TENT2: variants seen among roughly 807,000 people sequenced by gnomAD.
The protein encoded by TENT2 is terminal nucleotidyltransferase 2.
TENT2 carries 44 observed loss-of-function variants against 72.2 expected under a neutral mutation model. That is an observed-to-expected ratio of 0.61 (90% CI 0.48 to 0.78). TENT2 has a LOEUF of 0.78. TENT2 is among the 30% of genes least tolerant of loss of function. The pLI, the probability that TENT2 is intolerant of heterozygous loss-of-function variation, is 0.00. For missense variants in TENT2, 541 were observed against 569.6 expected, an observed-to-expected ratio of 0.95 and a Z score of 0.51; for synonymous variants, 212 against 192.5, an observed-to-expected ratio of 1.10 and a Z score of -0.84.
At chr5:79,619,930 GAC>G in intron 2 of TENT2, 62 bp from the exon 3 acceptor site, 1 of 1,452,426 alleles carries the variant, frequency 6.9e-7, no homozygotes, top group Non-Finnish European at 9.3e-7. Flanking sequence ...TTTTTTCAGA[GAC>G]TGGTTTTGTT....
intron 3 of TENT2, among the ~76,000 whole-genome samples, chr5:79,620,410 A>T (rs554752024): frequency 6.6e-6 from 1 of 152,232 alleles, no homozygotes; most frequent in Non-Finnish European, 1.5e-5. Flanking sequence ...ACTAAATGAG[A>T]TGGCCTGTAT....
At chr5:79,630,555 C>T (rs1032109924) in intron 4 of TENT2, among the ~76,000 whole-genome samples, 6 of 151,938 alleles carry the variant, frequency 3.9e-5, no homozygotes, top group Admixed American at 1.3e-4. Flanking sequence ...CTAGCCTGGG[C>T]GACAGAGTGA....
chr5:79,651,226 A>G (rs762819017), intron 10 of TENT2, among the ~76,000 whole-genome samples: 1 of 152,012 alleles, frequency 6.6e-6, no homozygotes, highest in Non-Finnish European at 1.5e-5. Flanking sequence ...ATAAATGTCA[A>G]GTTCAGGTCT....
At chr5:79,677,862 C>T (rs967218814) in intron 12 of TENT2, among the ~76,000 whole-genome samples, 1 of 152,140 alleles carries the variant, frequency 6.6e-6, no homozygotes, top group African/African-American at 2.4e-5. Context: ...TGCAGTGGCA[C>T]GATCACAGCT....
chr5:79,632,328 G>GT (rs113322670), intron 4 of TENT2, among the ~76,000 whole-genome samples: 17 of 151,868 alleles, frequency 1.1e-4, no homozygotes, highest in East Asian at 3.9e-4. Flanking sequence ...TTTTTCATGA[G>GT]TTTTTTTTGT....
chr5:79,683,923 CAAAAAAAAAAAA>C (rs761567083), intron 14 of TENT2, among the ~76,000 whole-genome samples: 17 of 41,564 alleles, frequency 4.1e-4, no homozygotes, highest in South Asian at 9.9e-4. Context: ...GACTCCGTCT[CAAAAAAAAAAAA>C]AAAAAAAAAA....
chr5:79,657,587 G>T (rs1356542552), intron 11 of TENT2, among the ~76,000 whole-genome samples: 1 of 152,086 alleles, frequency 6.6e-6, no homozygotes, highest in East Asian at 1.9e-4. Context: ...TATGTACTTA[G>T]TTTGAGTTTA....
chr5:79,687,822 G>T lies in TENT2; in HGVS notation c.*2549G>T, dbSNP rs1826512994. ...AGGATCTTTGCAAATAAATCTCATA[G>T]ACATTAATGTTTGTAAGAAATTTTT... On this transcript the variant is annotated 3_prime_UTR_variant, in exon 15 of 15. Transcript: ENST00000453514. 6.6e-6 allele frequency among the ~76,000 whole-genome samples: 1 copy of T among 152,178 alleles called. No individual in the cohort carries two copies. The highest frequency in any genetic ancestry group is 2.1e-4 in the South Asian group (1 of 4,824).
chr5:79,653,383 C>T (rs1303375283), intron 10 of TENT2, among the ~76,000 whole-genome samples: 1 of 151,908 alleles, frequency 6.6e-6, no homozygotes, highest in Non-Finnish European at 1.5e-5. Flanking sequence ...GTCCTAGCTA[C>T]TCAGGAGGCT....
At chr5:79,641,391 C>G (rs1034149900) in intron 6 of TENT2, among the ~76,000 whole-genome samples, 195 bp downstream of exon 6, 3 of 148,644 alleles carry the variant, frequency 2.0e-5, no homozygotes, top group Non-Finnish European at 3.0e-5. Flanking sequence ...GGAAGTATAG[C>G]ATTAATTTAA....
At chr5:79,640,374 A>G (rs1317301408) in intron 4 of TENT2, among the ~76,000 whole-genome samples, 1 of 152,090 alleles carries the variant, frequency 6.6e-6, no homozygotes, top group Non-Finnish European at 1.5e-5. Flanking sequence ...GACTGGTGAC[A>G]TCTCTTATAT....
intron 4 of TENT2, among the ~76,000 whole-genome samples, chr5:79,627,730 C>T (rs1771558307): frequency 6.6e-6 from 1 of 152,166 alleles, no homozygotes; most frequent in Admixed American, 6.5e-5. Flanking sequence ...GGTGAACCAC[C>T]CGCCTCAGCT....
rs1365172979 is a variant in TENT2 at position 79,623,486 on chromosome 5, T to A, written c.462T>A (p.Asp154Glu). 1 of 1,589,194 alleles carries A rather than the reference T, an allele frequency of 6.3e-7. No homozygotes were observed. Among genetic ancestry groups the A allele is most frequent in the Non-Finnish European group, 8.6e-7 (1 of 1,162,156 alleles). Residue 154 changes from aspartate (D) to glutamate (E), a missense_variant, in exon 4 of 15, where the codon GAT becomes GAA. Coordinates refer to ENST00000453514, the MANE Select transcript of TENT2 (RefSeq NM_001114394.3). ...AAATCACACTGCCTGAGGCCAAAGA[T>A]AAGGTAATAATAATGTAGATTTTAG... ...PREITLPEAK[D>E]KLSQQILELF...
intron 1 of TENT2, among the ~76,000 whole-genome samples, chr5:79,613,594 A>G (rs546725531): frequency 6.6e-6 from 1 of 152,316 alleles, no homozygotes; most frequent in East Asian, 1.9e-4. Context: ...AGCCAGTAAT[A>G]GTGACGTTAC....
rs1158559796 is a variant in TENT2, at chr5:79,681,150, A to ATTTTTTT, written c.1301-810_1301-804dup. ...AGTTACTTCTTTTTTCTTTTCTTTG[A>ATTTTTTT]TTTTTTTTTTTTTTTTTTTTTTTTT... On this transcript the variant is annotated intron_variant, in intron 13 of 14. Coordinates refer to ENST00000453514, the MANE Select transcript of TENT2 (RefSeq NM_001114394.3). Among the ~76,000 whole-genome samples the ATTTTTTT allele has an allele frequency of 6.9e-3, 308 of 44,770 alleles. 23 individuals carry two copies. Among genetic ancestry groups the ATTTTTTT allele is most frequent in the Non-Finnish European group, 8.5e-3 (201 of 23,576 alleles). 29.4% of individuals were successfully genotyped at this position (44,770 alleles called of 152,430 possible). A position where few individuals can be genotyped will look rare whatever the true frequency, so the allele number is the denominator to read the frequency against.
intron 1 of TENT2, chr5:79,617,437 T>C (rs1047321882): frequency 2.6e-5 from 4 of 152,206 alleles, no homozygotes; most frequent in African/African-American, 9.6e-5. Context: ...GCTACTTTTC[T>C]GTATTTCTAA....
intron 8 of TENT2, among the ~76,000 whole-genome samples, chr5:79,647,465 C>T (rs1405085479): frequency 6.6e-6 from 1 of 152,092 alleles, no homozygotes; most frequent in Non-Finnish European, 1.5e-5. Context: ...TAGAATTACA[C>T]AAACACAAAG....
chr5:79,641,292 G>T (rs1195413925), intron 6 of TENT2, 96 bp downstream of exon 6: 13 of 1,041,312 alleles, frequency 1.2e-5, no homozygotes, highest in South Asian at 1.9e-5. Flanking sequence ...TTGCTTTGTT[G>T]TGATTACTTC....
At chr5:79,642,710 T>C (rs1414905278) in intron 6 of TENT2, 122 bp from the exon 7 acceptor site, 7 of 716,758 alleles carry the variant, frequency 9.8e-6, no homozygotes, top group Admixed American at 3.0e-5. Context: ...TTTGAGTATA[T>C]TGAAAAATAA....
Sources: gnomAD v4.1 joint callset for allele counts (sites outside exome capture counted in the v4.1 genomes callset) on GRCh38, gnomAD v4.1.1 for gene constraint, MANE v1.5 for transcripts, NCBI Gene and HGNC (gene_info 2026-07-23, HGNC 2026-07-21) for gene names.